Variants in PSD3 observed in about 807,000 individuals in gnomAD.
PSD3 encodes pleckstrin and Sec7 domain containing 3.
PSD3 carries 49 observed loss-of-function variants against 105.5 expected under a neutral mutation model. The ratio of observed to expected loss-of-function variants is 0.46; its 90% CI spans 0.37 to 0.59. PSD3 has a LOEUF of 0.59. PSD3 is among the 20% of genes least tolerant of loss of function. The pLI is 0.00. For synonymous variants in PSD3, 557 were observed against 457.8 expected (o/e 1.22, Z -2.77); for missense variants, 1,561 against 1,263.8 (o/e 1.24, Z -3.57).
Position 19,083,430 on chromosome 8 carries a change from G to C in PSD3, c.324+776C>G, listed in dbSNP as rs540012055. On this transcript the variant is annotated intron_variant, in intron 1 of 1. Coordinates refer to the PSD3 transcript ENST00000521475. ...CATGATCAGAGGCAGAGCCCGTAGAGCTGGAAACAGGAGCCCACAGAGCTG... is the reference window on the plus strand; with the variant it reads ...CATGATCAGAGGCAGAGCCCGTAGACCTGGAAACAGGAGCCCACAGAGCTG... Among the ~76,000 whole-genome samples, 3 of 152,290 alleles carry C rather than the reference G, an allele frequency of 2.0e-5. No individual in the cohort carries two copies. In the South Asian group the frequency reaches 6.2e-4, roughly 32 times the overall value.
intron 9 of PSD3, among the ~76,000 whole-genome samples, chr8:18,742,949 G>C (rs1434776494): frequency 1.3e-5 from 2 of 152,166 alleles, no homozygotes; most frequent in South Asian, 2.1e-4. Context: ...AAGTGGCTGA[G>C]AGCACAGTCA....
At position 18,706,340 on chromosome 8, in the gene PSD3, G is replaced by A. The variant is rs527673402; in HGVS notation, c.2173-50655C>T. On this transcript the variant is annotated intron_variant, in intron 9 of 15. Coordinates refer to ENST00000327040, the MANE Select transcript of PSD3 (RefSeq NM_015310.4). Reference sequence around the variant, plus strand: ...TGTCATTATGGAAGAATTTTTTCTCGTTTTGCTTATTTATATTTCCTAATT... The same window carrying A: ...TGTCATTATGGAAGAATTTTTTCTCATTTTGCTTATTTATATTTCCTAATT... Among the ~76,000 whole-genome samples the A allele has an allele frequency of 5.9e-5, 9 of 152,052 alleles. No individual in the cohort carries two copies. The East Asian group carries it at 7.7e-4, about 13-fold the overall frequency.
At chr8:18,969,433 T>C (rs367960592) in intron 1 of PSD3, among the ~76,000 whole-genome samples, 42 of 152,324 alleles carry the variant, frequency 2.8e-4, no homozygotes, top group Non-Finnish European at 5.0e-4. Flanking sequence ...TTTGTGTTAA[T>C]AACCAGAAAA....
chr8:18,783,597 T>G (rs1808844950), intron 8 of PSD3, among the ~76,000 whole-genome samples: 1 of 152,232 alleles, frequency 6.6e-6, no homozygotes, highest in Non-Finnish European at 1.5e-5. Context: ...ATTCATCAGC[T>G]GTATACCATA....
chr8:18,864,294 A>G (rs1423969022), intron 4 of PSD3, among the ~76,000 whole-genome samples: 1 of 152,146 alleles, frequency 6.6e-6, no homozygotes, highest in African/African-American at 2.4e-5. Flanking sequence ...TTAGCAAGTT[A>G]CTCAACCTCT....
chr8:18,937,249 T>C (rs1274332557), intron 1 of PSD3, among the ~76,000 whole-genome samples: 1 of 152,160 alleles, frequency 6.6e-6, no homozygotes, highest in Non-Finnish European at 1.5e-5. Context: ...GACGCCTTCT[T>C]TTGCCTCTTT....
chr8:18,637,245 C>T (rs754528231), intron 10 of PSD3, among the ~76,000 whole-genome samples: 8 of 152,194 alleles, frequency 5.3e-5, no homozygotes, highest in Admixed American at 3.3e-4. Flanking sequence ...TTCTCACTCT[C>T]ATCACAATGG....
At chr8:18,961,777 CTGAGTCAAGAACA>C (rs1823943672) in intron 1 of PSD3, among the ~76,000 whole-genome samples, 1 of 151,986 alleles carries the variant, frequency 6.6e-6, no homozygotes, top group African/African-American at 2.4e-5. Flanking sequence ...TTTATTTGTC[CTGAGTCAAGAACA>C]TGATAAATCA....
intron 4 of PSD3, among the ~76,000 whole-genome samples, chr8:18,814,938 G>A (rs1812082343): frequency 6.6e-6 from 1 of 152,224 alleles, no homozygotes; most frequent in Admixed American, 6.5e-5. Flanking sequence ...CATGCCTTAT[G>A]TGGATAAGAA....
At chr8:18,852,790 C>A (rs1037725508) in intron 4 of PSD3, among the ~76,000 whole-genome samples, 7 of 152,122 alleles carry the variant, frequency 4.6e-5, no homozygotes, top group Non-Finnish European at 8.8e-5. Context: ...TCCTCACGTG[C>A]CTCACATAAG....
At chr8:18,548,154 G>C (rs756071140) in intron 15 of PSD3, among the ~76,000 whole-genome samples, 1 of 152,020 alleles carries the variant, frequency 6.6e-6, no homozygotes, top group Non-Finnish European at 1.5e-5. Context: ...GAATTTGTTT[G>C]GGTTGTTAAA....
intron 10 of PSD3, among the ~76,000 whole-genome samples, chr8:18,647,605 GT>G (rs11293600): frequency 0.39 from 45,793 of 117,600 alleles, 7,057 homozygotes; most frequent in Middle Eastern, 0.53. Context: ...ATTTAAAACT[GT>G]TTTTTTTTTT....
intron 1 of PSD3, among the ~76,000 whole-genome samples, chr8:18,992,084 C>G (rs995258098): frequency 6.6e-6 from 1 of 152,128 alleles, no homozygotes; most frequent in African/African-American, 2.4e-5. Context: ...GGTTTCCAAA[C>G]CAGTCTATGG....
chr8:19,072,955 G>A (rs561826349), intron 1 of PSD3, among the ~76,000 whole-genome samples: 5 of 152,284 alleles, frequency 3.3e-5, no homozygotes, highest in Admixed American at 2.0e-4. Flanking sequence ...ATAAAGGATG[G>A]GGAACCCTGA....
chr8:18,562,750 G>C (rs768279102), intron 14 of PSD3, among the ~76,000 whole-genome samples: 110 of 152,084 alleles, frequency 7.2e-4, no homozygotes, highest in Middle Eastern at 3.2e-3. Flanking sequence ...TTAGCCGGGT[G>C]TGGTGGCATG....
chr8:19,059,928 C>G (rs151067361), intron 1 of PSD3, among the ~76,000 whole-genome samples: 2 of 152,216 alleles, frequency 1.3e-5, no homozygotes, highest in Non-Finnish European at 2.9e-5. Context: ...GAGCTGCATC[C>G]CCAGCAATGG....
chr8:18,731,517 A>C (rs759623452), intron 9 of PSD3, among the ~76,000 whole-genome samples: 6 of 152,226 alleles, frequency 3.9e-5, no homozygotes, highest in South Asian at 2.1e-4. Flanking sequence ...TTTTTTAATC[A>C]ACTGTTTAGG....
At chr8:18,685,118 T>C (rs1235386127) in intron 9 of PSD3, among the ~76,000 whole-genome samples, 1 of 152,190 alleles carries the variant, frequency 6.6e-6, no homozygotes, top group African/African-American at 2.4e-5. Flanking sequence ...TCAGCCTCAA[T>C]CCATCCCACC....
intron 11 of PSD3, among the ~76,000 whole-genome samples, chr8:18,628,191 A>G (rs1285964168): frequency 6.6e-6 from 1 of 151,976 alleles, no homozygotes; most frequent in African/African-American, 2.4e-5. Flanking sequence ...GCTTTAAGAA[A>G]TAATGGCTGA....
Sources: gnomAD v4.1 joint callset for allele counts (sites outside exome capture counted in the v4.1 genomes callset) on GRCh38, gnomAD v4.1.1 for gene constraint, MANE v1.5 for transcripts, NCBI Gene and HGNC (gene_info 2026-07-23, HGNC 2026-07-21) for gene names.